DLG2: variants seen among roughly 807,000 people sequenced by gnomAD.
DLG2 encodes the protein discs large MAGUK scaffold protein 2, also known as disks large homolog 2.
In DLG2, 45 loss-of-function variants were observed where a neutral mutation model predicts 132.5. That is an observed-to-expected ratio of 0.34 (90% CI 0.27 to 0.44). DLG2 has a LOEUF of 0.44. Ranked by LOEUF, DLG2 falls within the 20% of genes least tolerant of loss-of-function variation. The pLI, the probability that DLG2 is intolerant of heterozygous loss-of-function variation, is 1.00. For synonymous variants in DLG2, 424 were observed against 419.6 expected (o/e 1.01, Z -0.13); for missense variants, 1,045 against 1,196.9 (o/e 0.87, Z 1.87).
chr11:84,884,325 TAAAACAAAAC>T (rs10539629), intron 6 of DLG2, among the ~76,000 whole-genome samples: 3 of 151,154 alleles, frequency 2.0e-5, no homozygotes, highest in African/African-American at 7.3e-5. Flanking sequence ...TGTCTAAATG[TAAAACAAAAC>T]AAAACAAAAC....
At chr11:85,392,609 G>C (rs891655614) in intron 3 of DLG2, among the ~76,000 whole-genome samples, 1 of 152,044 alleles carries the variant, frequency 6.6e-6, no homozygotes, top group Non-Finnish European at 1.5e-5. Context: ...CATGGTATTG[G>C]TATAAAAACA....
intron 3 of DLG2, among the ~76,000 whole-genome samples, chr11:85,404,065 A>T (rs2088475686): frequency 6.6e-6 from 1 of 152,046 alleles, no homozygotes; most frequent in South Asian, 2.1e-4. Flanking sequence ...AGGGAAACTT[A>T]ACAAGCTTGA....
intron 6 of DLG2, among the ~76,000 whole-genome samples, chr11:85,111,293 AC>A (rs2072698932): frequency 6.6e-6 from 1 of 152,262 alleles, no homozygotes; most frequent in East Asian, 1.9e-4. Flanking sequence ...TAAGCAGTTG[AC>A]ACAGTGACAA....
intron 4 of DLG2, among the ~76,000 whole-genome samples, chr11:85,267,451 A>G (rs1220170980): frequency 1.3e-5 from 2 of 152,214 alleles, no homozygotes; most frequent in South Asian, 2.1e-4. Flanking sequence ...CTTCTAGACC[A>G]TCACCTCCTT....
Position 85,505,826 on chromosome 11 carries a change from C to G in DLG2, c.40+92831G>C, listed in dbSNP as rs1385447614. Among the ~76,000 whole-genome samples, 3 of 152,070 alleles carry G rather than the reference C, an allele frequency of 2.0e-5. No individual in the cohort carries two copies. The South Asian group carries it at 6.2e-4, about 31-fold the overall frequency. Reference sequence around the variant, plus strand: ...CTCCTCCTTGTACCTCTGGTAGAATCCAGCTGTGAATCCATCTGGTCCTGG... The same window carrying G: ...CTCCTCCTTGTACCTCTGGTAGAATGCAGCTGTGAATCCATCTGGTCCTGG... On this transcript the variant is annotated intron_variant, in intron 3 of 27. Transcript: ENST00000376104.
intron 3 of DLG2, among the ~76,000 whole-genome samples, chr11:85,592,963 GA>G (rs1017688368): frequency 9.3e-5 from 10 of 107,712 alleles, no homozygotes; most frequent in African/African-American, 2.5e-4. Context: ...AGAAAGAAAA[GA>G]AAAAAAAAGA....
intron 7 of DLG2, among the ~76,000 whole-genome samples, chr11:84,448,920 T>G (rs1043896201): frequency 6.6e-6 from 1 of 152,000 alleles, no homozygotes; most frequent in Non-Finnish European, 1.5e-5. Flanking sequence ...AACAAATGAA[T>G]GAAGCATATC....
intron 7 of DLG2, among the ~76,000 whole-genome samples, chr11:84,353,078 TATC>T (rs1162607274): frequency 6.6e-6 from 1 of 152,176 alleles, no homozygotes; most frequent in Non-Finnish European, 1.5e-5. Flanking sequence ...TCTCTCCAGA[TATC>T]ATTGTGTCTC....
At position 83,859,061 on chromosome 11, in the gene DLG2, T is replaced by C. The variant is rs185111021; in HGVS notation, c.1565+15359A>G. ...TGCTCCTCCTTGCCTTCTGCCATGA[T>C]TGTGAGGCCTCACTAGCTATGTGGA... On this transcript the variant is annotated intron_variant, in intron 16 of 27. Coordinates refer to ENST00000376104, the MANE Select transcript of DLG2 (RefSeq NM_001142699.3). 3.5e-3 allele frequency among the ~76,000 whole-genome samples: 535 copies of C among 152,370 alleles called. 4 individuals carry two copies. The highest frequency in any genetic ancestry group is 0.01 in the Middle Eastern group (3 of 294).
chr11:84,905,006 G>C (rs73518941), intron 6 of DLG2, among the ~76,000 whole-genome samples: 6,782 of 152,100 alleles, frequency 0.045, 464 homozygotes, highest in African/African-American at 0.15. Context: ...CTCCCAAGTA[G>C]CTTGGATTAT....
chr11:85,190,306 C>A, intron 4 of DLG2, among the ~76,000 whole-genome samples: 1 of 152,204 alleles, frequency 6.6e-6, no homozygotes, highest in East Asian at 1.9e-4. Flanking sequence ...AACTAAGTAG[C>A]TCCTGAGTCA....
intron 10 of DLG2, among the ~76,000 whole-genome samples, chr11:84,092,047 C>G (rs1251408423): frequency 6.6e-6 from 1 of 152,196 alleles, no homozygotes; most frequent in Non-Finnish European, 1.5e-5. Context: ...ATGGGTCAGT[C>G]TGAATCAGGA....
chr11:84,946,936 T>C (rs1321221755), intron 6 of DLG2, among the ~76,000 whole-genome samples: 2 of 152,204 alleles, frequency 1.3e-5, no homozygotes, highest in Non-Finnish European at 2.9e-5. Flanking sequence ...CTGGTCTAAA[T>C]TCTCCTTATA....
At chr11:84,839,268 T>C (rs977228326) in intron 6 of DLG2, among the ~76,000 whole-genome samples, 1 of 152,032 alleles carries the variant, frequency 6.6e-6, no homozygotes, top group Admixed American at 6.6e-5. Context: ...ATAAAATACC[T>C]AAGAATCCAA....
chr11:84,340,403 T>G (rs1380951076), intron 7 of DLG2, among the ~76,000 whole-genome samples: 1 of 152,206 alleles, frequency 6.6e-6, no homozygotes, highest in Non-Finnish European at 1.5e-5. Context: ...AACATCTTAG[T>G]AGCAATCATT....
chr11:84,249,336 T>A (rs1446520353), intron 8 of DLG2, among the ~76,000 whole-genome samples: 2 of 152,174 alleles, frequency 1.3e-5, no homozygotes, highest in Non-Finnish European at 2.9e-5. Flanking sequence ...TCTGCATGTA[T>A]CAGGGGAGTA....
intron 22 of DLG2, 74 bp downstream of exon 22, chr11:83,484,055 T>C: frequency 8.1e-7 from 1 of 1,237,320 alleles, no homozygotes; most frequent in Non-Finnish European, 1.2e-6. Context: ...TGGGAGAGCC[T>C]ACATCCTGCG....
chr11:84,356,561 G>T (rs998657318), intron 7 of DLG2, among the ~76,000 whole-genome samples: 20 of 152,000 alleles, frequency 1.3e-4, no homozygotes, highest in Non-Finnish European at 1.9e-4. Context: ...TCTCTTACCT[G>T]TAAAATGAGA....
chr11:85,020,913 G>A (rs1299369698), intron 6 of DLG2: 6 of 769,786 alleles, frequency 7.8e-6, no homozygotes, highest in African/African-American at 5.1e-5. Context: ...CTCCTCAGCA[G>A]GGTCATCTGC....
Sources: allele counts gnomAD v4.1 joint callset (sites outside exome capture counted in the v4.1 genomes callset), GRCh38; gene constraint gnomAD v4.1.1; transcripts MANE v1.5; gene names NCBI Gene and HGNC (gene_info 2026-07-23, HGNC 2026-07-21).